The following SV2C variants were observed in gnomAD, a reference collection of about 807,000 sequenced individuals.
The protein encoded by SV2C is synaptic vesicle glycoprotein 2C.
SV2C carries 49 observed loss-of-function variants against 79.7 expected under a neutral mutation model. The observed-to-expected ratio is 0.61, with a 90% CI of 0.49 to 0.78. The LOEUF (loss-of-function observed/expected upper bound fraction) is 0.78. Among genes scored for constraint, SV2C ranks in the 30% least tolerant of loss-of-function variants. The pLI, the probability that SV2C is intolerant of heterozygous loss-of-function variation, is 0.00. For synonymous variants in SV2C, 334 were observed against 333.2 expected, an observed-to-expected ratio of 1.00 and a Z score of -0.03; for missense variants, 833 against 912.9, an observed-to-expected ratio of 0.91 and a Z score of 1.13.
At chr5:76,072,546 G>T in the SV2C span, among the ~76,000 whole-genome samples, 1 of 152,128 alleles carries the variant, frequency 6.6e-6, no homozygotes, top group Non-Finnish European at 1.5e-5. Flanking sequence ...GGTGGTATTT[G>T]GTATCTCAGG....
At chr5:76,347,649 C>A (rs543017841) in intron 12 of SV2C, among the ~76,000 whole-genome samples, 21 of 152,290 alleles carry the variant, frequency 1.4e-4, no homozygotes, top group African/African-American at 4.8e-4. Flanking sequence ...ACCATGTTGG[C>A]TAGTCTGGTC....
chr5:76,214,462 A>C (rs1744857485), intron 4 of SV2C, among the ~76,000 whole-genome samples: 1 of 152,168 alleles, frequency 6.6e-6, no homozygotes, highest in Admixed American at 6.5e-5. Context: ...GAAATCAGGA[A>C]GTCTCCAGCT....
the SV2C span, among the ~76,000 whole-genome samples, chr5:75,934,541 C>T: frequency 1.3e-5 from 2 of 152,060 alleles, no homozygotes; most frequent in African/African-American, 4.8e-5. Context: ...CTGCCTCGGC[C>T]TCCCAAAGTG....
At chr5:76,167,162 A>T (rs140432139) in intron 2 of SV2C, among the ~76,000 whole-genome samples, 3 of 152,352 alleles carry the variant, frequency 2.0e-5, no homozygotes, top group Non-Finnish European at 4.4e-5. Context: ...AGTAACACTG[A>T]CCTAGCAGGC....
In SV2C at chr5:76,329,305, G is replaced by A. The variant is rs765225532; in HGVS notation, c.*3758G>A. On this transcript the variant is annotated 3_prime_UTR_variant, in exon 13 of 13. Transcript: ENST00000502798. ...AAGGGCCCCGCCTTGCCAGATAAAC[G>A]CGCTTAGGTTAGAAGACTATAATTG... is the stretch of plus-strand genomic sequence containing the variant. 11 of 152,202 alleles carry A rather than the reference G, an allele frequency of 7.2e-5. No homozygotes were observed. Among genetic ancestry groups the A allele is most frequent in the Middle Eastern group, 3.4e-3 (1 of 294 alleles). The allele number at this position is 152,202 out of a possible 1,614,324, so 9.4% of individuals were successfully genotyped here.
the SV2C span, among the ~76,000 whole-genome samples, chr5:75,900,104 A>G: frequency 6.6e-6 from 1 of 152,152 alleles, no homozygotes; most frequent in Admixed American, 6.5e-5. Context: ...TGATCCTGTC[A>G]TTATGATGTT....
intron 1 of SV2C, among the ~76,000 whole-genome samples, chr5:76,114,691 G>A (rs1748208626): frequency 6.6e-6 from 1 of 152,208 alleles, no homozygotes; most frequent in South Asian, 2.1e-4. Context: ...AGGGTGTGTA[G>A]CTCAGCAACA....
the SV2C span, among the ~76,000 whole-genome samples, chr5:75,981,315 G>A: frequency 6.6e-6 from 1 of 152,146 alleles, no homozygotes; most frequent in Admixed American, 6.6e-5. Flanking sequence ...TAGTGTCAGT[G>A]TTCTTCCCAT....
At chr5:75,941,817 A>G in the SV2C span, among the ~76,000 whole-genome samples, 1 of 152,142 alleles carries the variant, frequency 6.6e-6, no homozygotes, top group Admixed American at 6.5e-5. Flanking sequence ...TTGGAGCTGG[A>G]CATAAATAAA....
At chr5:75,913,962 TA>T in the SV2C span, among the ~76,000 whole-genome samples, 8,112 of 148,938 alleles carry the variant, frequency 0.054, 634 homozygotes, top group African/African-American at 0.18. Flanking sequence ...TGAGAATAGT[TA>T]AAAAAAAAAC....
At chr5:76,245,149 T>C (rs1025994767) in intron 4 of SV2C, among the ~76,000 whole-genome samples, 17 of 152,226 alleles carry the variant, frequency 1.1e-4, no homozygotes, top group African/African-American at 3.4e-4. Flanking sequence ...AATTGCTCTC[T>C]ATATATTTAT....
intron 2 of SV2C, among the ~76,000 whole-genome samples, chr5:76,166,167 C>T (rs549229877): frequency 3.3e-5 from 5 of 152,230 alleles, no homozygotes; most frequent in East Asian, 3.9e-4. Context: ...AAAGATACCC[C>T]GTGGTCAAAA....
the SV2C span, among the ~76,000 whole-genome samples, chr5:75,896,817 A>G: frequency 6.7e-6 from 1 of 149,150 alleles, no homozygotes; most frequent in African/African-American, 2.6e-5. Flanking sequence ...TCTGACGGCC[A>G]GTGATGATGA....
the SV2C span, among the ~76,000 whole-genome samples, chr5:75,914,422 C>A: frequency 5.9e-5 from 9 of 152,180 alleles, no homozygotes; most frequent in Admixed American, 2.6e-4. Flanking sequence ...GGAGTAAACC[C>A]AGCTGAATCT....
chr5:75,860,970 A>G, the SV2C span, among the ~76,000 whole-genome samples: 1 of 152,210 alleles, frequency 6.6e-6, no homozygotes, highest in Non-Finnish European at 1.5e-5. Context: ...TAAGACTTCA[A>G]ACTATAAGAA....
At chr5:76,171,618 G>T (rs1230413389) in intron 2 of SV2C, among the ~76,000 whole-genome samples, 5 of 144,074 alleles carry the variant, frequency 3.5e-5, no homozygotes, top group East Asian at 4.1e-4. Context: ...TGGGGGGGGG[G>T]TCAGCCCCCC....
chr5:75,876,116 A>G, the SV2C span, among the ~76,000 whole-genome samples: 1 of 152,212 alleles, frequency 6.6e-6, no homozygotes, highest in Admixed American at 6.5e-5. Context: ...AGACACATGC[A>G]TGTGAATATT....
intron 4 of SV2C, among the ~76,000 whole-genome samples, chr5:76,215,407 A>C (rs149462580): frequency 6.6e-6 from 1 of 152,244 alleles, no homozygotes; most frequent in East Asian, 1.9e-4. Flanking sequence ...CCACGCAAAA[A>C]CACTTTCCTG....
At chr5:76,212,860 G>C (rs1744805078) in intron 4 of SV2C, among the ~76,000 whole-genome samples, 1 of 152,130 alleles carries the variant, frequency 6.6e-6, no homozygotes, top group Admixed American at 6.5e-5. Flanking sequence ...CGGTCAGTCA[G>C]TGGCCAACCC....
Sources: allele counts gnomAD v4.1 joint callset (sites outside exome capture counted in the v4.1 genomes callset), GRCh38; gene constraint gnomAD v4.1.1; transcripts MANE v1.5; gene names NCBI Gene and HGNC (gene_info 2026-07-23, HGNC 2026-07-21).